Variants in DCUN1D4 observed in about 807,000 individuals in gnomAD.
DCUN1D4 encodes DCN1-like protein 4.
DCUN1D4 carries 22 observed loss-of-function variants against 47.9 expected under a neutral mutation model. That is an observed-to-expected ratio of 0.46 (90% CI 0.33 to 0.66). DCUN1D4 has a LOEUF of 0.66. Among genes scored for constraint, DCUN1D4 ranks in the 30% least tolerant of loss-of-function variants. The pLI is 0.02. For missense variants in DCUN1D4, 301 were observed against 340.8 expected (o/e 0.88, Z 0.92); for synonymous variants, 121 against 112.2 (o/e 1.08, Z -0.50).
At chr4:51,866,988 C>T (rs1451636353) in intron 3 of DCUN1D4, among the ~76,000 whole-genome samples, 1 of 152,210 alleles carries the variant, frequency 6.6e-6, no homozygotes, top group Admixed American at 6.5e-5. Flanking sequence ...CCACACCTGC[C>T]AAGTGTGAGT....
chr4:51,856,524 C>G (rs1402275153), intron 1 of DCUN1D4, among the ~76,000 whole-genome samples: 1 of 152,092 alleles, frequency 6.6e-6, no homozygotes, highest in African/African-American at 2.4e-5. Context: ...GGTTAGGAAA[C>G]GTTGCTGCTT....
chr4:51,891,732 T>C (rs1299899457), intron 6 of DCUN1D4, 28 bp from the exon 7 acceptor site: 1 of 1,526,604 alleles, frequency 6.6e-7, no homozygotes, highest in Admixed American at 1.8e-5. Flanking sequence ...AATATATTTT[T>C]TTTTAATTGT....
At chr4:51,895,810 T>C (rs1328201013) in intron 7 of DCUN1D4, among the ~76,000 whole-genome samples, 1 of 152,210 alleles carries the variant, frequency 6.6e-6, no homozygotes, top group Admixed American at 6.5e-5. Flanking sequence ...TGGGAAATGG[T>C]GTTCCTTAGA....
chr4:51,902,576 A>G (rs1466312849), intron 8 of DCUN1D4, among the ~76,000 whole-genome samples: 1 of 152,100 alleles, frequency 6.6e-6, no homozygotes, highest in African/African-American at 2.4e-5. Context: ...CTTTCTTTTT[A>G]TTAAAGTCTG....
chr4:51,864,600 G>C (rs1245661016), intron 3 of DCUN1D4, among the ~76,000 whole-genome samples: 1 of 152,272 alleles, frequency 6.6e-6, no homozygotes, highest in East Asian at 1.9e-4. Flanking sequence ...GTGAGGGTCT[G>C]TTCCTCACTG....
chr4:51,879,700 T>G (rs1413848086), intron 5 of DCUN1D4, among the ~76,000 whole-genome samples: 1 of 152,262 alleles, frequency 6.6e-6, no homozygotes, highest in Non-Finnish European at 1.5e-5. Flanking sequence ...ACATTGATTA[T>G]GAAGATCTCT....
rs938075926 is a variant in DCUN1D4 at position 51,845,150 on chromosome 4, C to A, written c.25+1883C>A. Reference sequence around the variant, plus strand: ...ATTTAAGAAGCAACACAATGTAAAGCAGCCTTTAGAATGGTGTATTTAATT... The same window carrying A: ...ATTTAAGAAGCAACACAATGTAAAGAAGCCTTTAGAATGGTGTATTTAATT... On this transcript the variant is annotated intron_variant, in intron 1 of 10. Coordinates refer to ENST00000334635, the MANE Select transcript of DCUN1D4 (RefSeq NM_001040402.3). The A allele has an allele frequency of 1.7e-5, 17 of 985,348 alleles. No homozygotes were observed. The African/African-American group carries it at 3.0e-4, about 17-fold the overall frequency. The allele number at this position is 985,348 out of a possible 1,614,324, so 61.0% of individuals were successfully genotyped here.
intron 7 of DCUN1D4, among the ~76,000 whole-genome samples, chr4:51,895,322 A>G (rs1731073847): frequency 1.3e-5 from 2 of 152,026 alleles, no homozygotes; most frequent in African/African-American, 2.4e-5. Context: ...AGCATCCTTA[A>G]ACTAGGGTGG....
At chr4:51,859,845 G>C (rs143277873) in intron 1 of DCUN1D4, among the ~76,000 whole-genome samples, 130 of 152,090 alleles carry the variant, frequency 8.5e-4, no homozygotes, top group African/African-American at 2.8e-3. Context: ...GCTTTACTTT[G>C]GAGAGCCGTC....
At position 51,872,880 on chromosome 4, in the gene DCUN1D4, G is replaced by T. The variant is rs577058538; in HGVS notation, c.137-1391G>T. 3.9e-5 allele frequency among the ~76,000 whole-genome samples: 6 copies of T among 152,356 alleles called. No homozygotes were observed. The South Asian group carries it at 1.0e-3, about 26-fold the overall frequency. Reference sequence around the variant, plus strand: ...CTGAAGGCCGCCATGAGCGCAGTGCGCATGCCTCCTTCCGTGATGCTGCTC... The same window carrying T: ...CTGAAGGCCGCCATGAGCGCAGTGCTCATGCCTCCTTCCGTGATGCTGCTC... On this transcript the variant is annotated intron_variant, in intron 3 of 10. Transcript: ENST00000334635.
intron 5 of DCUN1D4, among the ~76,000 whole-genome samples, chr4:51,882,508 C>G (rs1017127244): frequency 2.0e-5 from 3 of 152,264 alleles, no homozygotes; most frequent in African/African-American, 2.4e-5. Context: ...TGGCTCATGC[C>G]TATAATCTCA....
intron 8 of DCUN1D4, among the ~76,000 whole-genome samples, chr4:51,901,336 A>G (rs780659475): frequency 1.6e-4 from 25 of 152,142 alleles, no homozygotes; most frequent in Non-Finnish European, 3.2e-4. Context: ...AAGGGGAGAA[A>G]TGGCCACGTT....
At chr4:51,857,445 C>G (rs1724308197) in intron 1 of DCUN1D4, among the ~76,000 whole-genome samples, 1 of 152,154 alleles carries the variant, frequency 6.6e-6, no homozygotes, top group African/African-American at 2.4e-5. Flanking sequence ...CTCTCCTGAT[C>G]AGAACACCTC....
chr4:51,912,745 G>A (rs1733891916), intron 9 of DCUN1D4, among the ~76,000 whole-genome samples: 1 of 152,188 alleles, frequency 6.6e-6, no homozygotes, highest in Non-Finnish European at 1.5e-5. Context: ...TCTGTGACAA[G>A]AACACCTAAT....
intron 1 of DCUN1D4, chr4:51,848,107 T>A (rs2109804064): frequency 1.1e-6 from 1 of 909,474 alleles, no homozygotes; most frequent in Non-Finnish European, 1.5e-6. Flanking sequence ...TCTTTAGATT[T>A]TTCTTCAAGG....
chr4:51,906,438 C>G (rs1437798847), intron 8 of DCUN1D4, among the ~76,000 whole-genome samples: 2 of 152,202 alleles, frequency 1.3e-5, no homozygotes, highest in African/African-American at 2.4e-5. Flanking sequence ...ACCTAAATCT[C>G]CTGCAATCAT....
At chr4:51,840,704 G>T (rs1721606576), upstream of DCUN1D4, among the ~76,000 whole-genome samples, 1 of 152,196 alleles carries the variant, frequency 6.6e-6, no homozygotes, top group Admixed American at 6.5e-5. Flanking sequence ...CAAGTAAAAA[G>T]ATAACTATAA....
At chr4:51,834,551 C>T in the DCUN1D4 span, among the ~76,000 whole-genome samples, 5 of 152,274 alleles carry the variant, frequency 3.3e-5, no homozygotes, top group South Asian at 8.3e-4. Context: ...AGTCTTCAGG[C>T]TCCTTCTCCA....
chr4:51,878,741 T>C (rs1728080376), intron 5 of DCUN1D4, among the ~76,000 whole-genome samples: 1 of 152,252 alleles, frequency 6.6e-6, no homozygotes, highest in South Asian at 2.1e-4. Flanking sequence ...CCATCTGACA[T>C]GCTCTTACAT....
Sources: gnomAD v4.1 joint callset for allele counts (sites outside exome capture counted in the v4.1 genomes callset) on GRCh38, gnomAD v4.1.1 for gene constraint, MANE v1.5 for transcripts, NCBI Gene and HGNC (gene_info 2026-07-23, HGNC 2026-07-21) for gene names.